CHPT1: variants seen among roughly 807,000 people sequenced by gnomAD.
CHPT1 encodes the protein cholinephosphotransferase 1.
Under a neutral mutation model 47.6 loss-of-function variants are expected in CHPT1, and 36 were observed. The ratio of observed to expected loss-of-function variants is 0.76; its 90% CI spans 0.58 to 1.00. The LOEUF is 1.00. Ranked by LOEUF, CHPT1 falls within the 50% of genes least tolerant of loss-of-function variation. CHPT1 has a pLI of 0.00. For synonymous variants in CHPT1, 194 were observed against 186.3 expected (o/e 1.04, Z -0.33); for missense variants, 458 against 498.1 (o/e 0.92, Z 0.77).
chr12:101,713,056 T>G (rs1013662445), intron 1 of CHPT1, among the ~76,000 whole-genome samples: 1 of 148,532 alleles, frequency 6.7e-6, no homozygotes, highest in Non-Finnish European at 1.5e-5. Flanking sequence ...ATTACTTGGA[T>G]CCTTTTGAGG....
At chr12:101,717,791 T>C (rs1394830724) in intron 4 of CHPT1, among the ~76,000 whole-genome samples, 1 of 152,190 alleles carries the variant, frequency 6.6e-6, no homozygotes, top group South Asian at 2.1e-4. Flanking sequence ...CCTAAATGAT[T>C]TGAAAACTTA....
chr12:101,719,458 C>T, intron 4 of CHPT1: 1 of 881,190 alleles, frequency 1.1e-6, no homozygotes, highest in African/African-American at 1.7e-5. Flanking sequence ...TTCATTGTTA[C>T]TGTTTTTTAA....
rs757509848 is a variant in CHPT1, at chr12:101,714,234, A to G, written c.418A>G (p.Thr140Ala). 13 of 1,584,904 alleles carry G rather than the reference A, an allele frequency of 8.2e-6. No homozygotes were observed. The highest frequency in any genetic ancestry group is 4.7e-5 in the South Asian group (4 of 84,914). Residue 140 changes from threonine (T) to alanine (A), a missense_variant, in exon 2 of 9, where the codon ACA (threonine) becomes GCA (alanine). Coordinates refer to ENST00000229266, the MANE Select transcript of CHPT1 (RefSeq NM_020244.3). ...TGACCATGGCTGTGACTCTCTTTCCACAGGTAAATTAGTGGAGTTTTTTAT... is the reference window on the plus strand; with the variant it reads ...TGACCATGGCTGTGACTCTCTTTCCGCAGGTAAATTAGTGGAGTTTTTTAT... ...LFDHGCDSLSTVFMAVGASIA... is the reference protein window; with the variant it reads ...LFDHGCDSLSAVFMAVGASIA...
rs180901994 is a variant in CHPT1, at chr12:101,723,470, G to A, written c.939+144G>A. On this transcript the variant is annotated intron_variant, in intron 6 of 8. Transcript: ENST00000229266. ...CTATTTGTGCTCCAAGCAAAACTGT[G>A]ATAAGAGTTATATTCAGTTAAATTG... 491 of 630,608 alleles carry A rather than the reference G, an allele frequency of 7.8e-4. 4 individuals are homozygous for A. In the African/African-American group the frequency reaches 8.2e-3, roughly 10 times the overall value. 39.1% of individuals were successfully genotyped at this position (630,608 alleles called of 1,614,324 possible).
intron 8 of CHPT1, 47 bp from the exon 9 acceptor site, chr12:101,728,854 T>TA (rs1332157219): frequency 3.1e-6 from 5 of 1,601,872 alleles, no homozygotes; most frequent in African/African-American, 2.7e-5. Context: ...TCTAAAGACT[T>TA]ACAATATGCT....
intron 1 of CHPT1, among the ~76,000 whole-genome samples, chr12:101,707,643 TA>T (rs1241498652): frequency 6.6e-6 from 1 of 152,198 alleles, no homozygotes; most frequent in Non-Finnish European, 1.5e-5. Flanking sequence ...CTCTGTGCTT[TA>T]ATCAGTTCAG....
chr12:101,726,388 A>G lies in CHPT1; in HGVS notation c.1160A>G (p.His387Arg), dbSNP rs968752588. The G allele has an allele frequency of 2.5e-6, 4 of 1,613,126 alleles. No individual in the cohort carries two copies. The highest frequency in any genetic ancestry group is 2.7e-5 in the African/African-American group (2 of 75,014). Residue 387 changes from histidine to arginine, a missense_variant, in exon 8 of 9, where the codon CAT becomes CGT. Transcript: ENST00000229266. ...LHLNIFKTACHQAPEQVQVLS... is the reference protein window; with the variant it reads ...LHLNIFKTACRQAPEQVQVLS... The stretch of plus-strand genomic sequence containing the variant: ...CTAAATATATTCAAGACTGCATGTC[A>G]TCAAGCACCTGAACAGGTTCACAAG...
rs1951491079 is a variant in CHPT1, at chr12:101,698,090, A to G, written c.229A>G (p.Thr77Ala). 6.4e-7 allele frequency: 1 copy of G among 1,562,640 alleles called. No individual in the cohort carries two copies. The highest frequency in any genetic ancestry group is 8.6e-7 in the Non-Finnish European group (1 of 1,162,648). ...TLLGLAVNVVTTLVLISYCPT... is the reference protein window; with the variant it reads ...TLLGLAVNVVATLVLISYCPT... The stretch of plus-strand genomic sequence containing the variant: ...GCTGGGGCTCGCCGTCAACGTGGTC[A>G]CCACGCTCGTGCTCATCTCCTACTG... Residue 77 changes from threonine (T) to alanine (A), a missense_variant, in exon 1 of 9, where the codon ACC becomes GCC. Physicochemically the swap from Thr to Ala is moderately conservative, Grantham distance 58. Coordinates refer to ENST00000229266, the MANE Select transcript of CHPT1 (RefSeq NM_020244.3).
intron 7 of CHPT1, among the ~76,000 whole-genome samples, chr12:101,725,588 A>AAATTC (rs988097272): frequency 7.9e-5 from 12 of 151,958 alleles, no homozygotes; most frequent in Middle Eastern, 3.4e-3. Flanking sequence ...TGAGGAAGTC[A>AAATTC]AATTCAATTT....
At chr12:101,724,630 A>G (rs1474540577) in intron 7 of CHPT1, among the ~76,000 whole-genome samples, 1 of 152,196 alleles carries the variant, frequency 6.6e-6, no homozygotes, top group Non-Finnish European at 1.5e-5. Context: ...GCTAGATGTA[A>G]GGAACCCTTT....
chr12:101,720,844 C>A (rs1951838882), intron 5 of CHPT1, among the ~76,000 whole-genome samples: 2 of 151,994 alleles, frequency 1.3e-5, no homozygotes, highest in South Asian at 2.1e-4. Context: ...TTTAAGTGGG[C>A]AAGAGTTGGG....
At chr12:101,718,754 G>T (rs1951803183) in intron 4 of CHPT1, among the ~76,000 whole-genome samples, 1 of 151,888 alleles carries the variant, frequency 6.6e-6, no homozygotes, top group South Asian at 2.1e-4. Context: ...TAGACTTTGG[G>T]CATGTTTTTA....
At chr12:101,717,488 T>C (rs1951782105) in intron 4 of CHPT1, 1 of 302,950 alleles carries the variant, frequency 3.3e-6, no homozygotes, top group African/African-American at 2.2e-5. Context: ...CAACTAACAG[T>C]CATTCAATAC....
chr12:101,726,254 G>A lies in CHPT1; in HGVS notation c.1066-40G>A. Reference sequence around the variant, plus strand: ...GAATAGTGCTACTTGAGAAAAGATAGATCATAATCGATTTTATATTTTCTT... The same window carrying A: ...GAATAGTGCTACTTGAGAAAAGATAAATCATAATCGATTTTATATTTTCTT... On this transcript the variant is annotated intron_variant, in intron 7 of 8. Coordinates refer to ENST00000229266, the MANE Select transcript of CHPT1 (RefSeq NM_020244.3). The A allele has an allele frequency of 3.0e-6, 4 of 1,332,466 alleles. No homozygotes were observed. In the South Asian group the frequency reaches 4.8e-5, roughly 16 times the overall value. 82.5% of individuals were successfully genotyped at this position (1,332,466 alleles called of 1,614,324 possible).
In CHPT1 at chr12:101,697,752, C is replaced by CAGCCCGGCAGTCGCAG. The variant is rs921606347; in HGVS notation, c.-109_-94dup. On this transcript the variant is annotated 5_prime_UTR_variant, in exon 1 of 9. Coordinates refer to ENST00000229266, the MANE Select transcript of CHPT1 (RefSeq NM_020244.3). ...GCCGTGCGGGCCCGACCGGTGAGTC[C>CAGCCCGGCAGTCGCAG]AGCCCGGCAGTCGCAGGACCCGGCC... 1 of 289,980 alleles carries CAGCCCGGCAGTCGCAG rather than the reference C, an allele frequency of 3.4e-6. No individual in the cohort carries two copies. Among genetic ancestry groups the CAGCCCGGCAGTCGCAG allele is most frequent in the Non-Finnish European group, 5.3e-6 (1 of 190,076 alleles). The allele number at this position is 289,980 out of a possible 1,614,324, so 18.0% of individuals were successfully genotyped here.
intron 1 of CHPT1, among the ~76,000 whole-genome samples, chr12:101,703,012 A>G (rs1012827746): frequency 1.3e-5 from 2 of 152,164 alleles, no homozygotes; most frequent in African/African-American, 2.4e-5. Flanking sequence ...CTTGATTCCT[A>G]TGGCTTCACT....
At chr12:101,710,137 G>A (rs981878890) in intron 1 of CHPT1, among the ~76,000 whole-genome samples, 19 of 148,646 alleles carry the variant, frequency 1.3e-4, no homozygotes, top group African/African-American at 4.6e-4. Context: ...TTAAGGTCAG[G>A]AGTTGGAGAC....
At chr12:101,710,327 A>G (rs1594129902) in intron 1 of CHPT1, among the ~76,000 whole-genome samples, 2 of 149,382 alleles carry the variant, frequency 1.3e-5, no homozygotes, top group South Asian at 4.3e-4. Flanking sequence ...CCTGGGCGAC[A>G]GAGCGAGACC....
chr12:101,726,472 G>A (rs773570578), intron 8 of CHPT1, 68 bp downstream of exon 8: 11 of 1,580,480 alleles, frequency 7.0e-6, no homozygotes, highest in African/African-American at 1.3e-5. Flanking sequence ...GAATCTATGA[G>A]TGAAGGAAAT....
Sources: gnomAD v4.1 joint callset for allele counts (sites outside exome capture counted in the v4.1 genomes callset) on GRCh38, gnomAD v4.1.1 for gene constraint, MANE v1.5 for transcripts, NCBI Gene and HGNC (gene_info 2026-07-23, HGNC 2026-07-21) for gene names.